GNG7: variants seen among roughly 807,000 people sequenced by gnomAD.
GNG7 encodes guanine nucleotide-binding protein G(I)/G(S)/G(O) subunit gamma-7.
GNG7 carries 1 observed loss-of-function variant against 4.0 expected under a neutral mutation model. That is an observed-to-expected ratio of 0.25 (90% CI 0.09 to 1.18). GNG7 has a LOEUF of 1.18. GNG7 is among the 50% of genes most tolerant of loss of function. The pLI, the probability that GNG7 is intolerant of heterozygous loss-of-function variation, is 0.50. For synonymous variants in GNG7, 34 were observed against 36.9 expected (o/e 0.92, Z 0.29); for missense variants, 86 against 91.9 (o/e 0.94, Z 0.26).
chr19:2,640,165 GAGAT>G (rs201323367), intron 2 of GNG7, among the ~76,000 whole-genome samples: 1,604 of 139,584 alleles, frequency 0.011, 45 homozygotes, highest in African/African-American at 0.042. Flanking sequence ...CAGAGGGAGG[GAGAT>G]AGAGATAGGA....
At chr19:2,651,282 CTCCATCCCTCCCTCCCTACCTTCCCTCCA>C (rs1982811577) in intron 1 of GNG7, among the ~76,000 whole-genome samples, 10 of 98,496 alleles carry the variant, frequency 1.0e-4, no homozygotes, top group African/African-American at 2.0e-4. Context: ...CCCTCCCTCC[CTCCATCCCTCCCTCCCTACCTTCCCTCCA>C]TCCCTCCCTC....
intron 2 of GNG7, among the ~76,000 whole-genome samples, chr19:2,638,875 T>A (rs1368666564): frequency 6.6e-6 from 1 of 152,146 alleles, no homozygotes; most frequent in Non-Finnish European, 1.5e-5. Context: ...TACAGGTGAT[T>A]TTTTTATAAT....
rs1351750792 is a variant in GNG7 at position 2,609,593 on chromosome 19, C to T, written c.-78+36631G>A. 6.6e-6 allele frequency among the ~76,000 whole-genome samples: 1 copy of T among 152,146 alleles called. No individual in the cohort carries two copies. The highest frequency in any genetic ancestry group is 1.5e-5 in the Non-Finnish European group (1 of 68,036). Reference sequence around the variant, plus strand: ...GTGGATTGCAGTGATGTTTGCGCACCACGTCCCGAGTGCCAGAGCAGACAG... The same window carrying T: ...GTGGATTGCAGTGATGTTTGCGCACTACGTCCCGAGTGCCAGAGCAGACAG... On this transcript the variant is annotated intron_variant, in intron 2 of 4. Transcript: ENST00000382159. This position sits in a 1 kb window ranked among gnomAD's most constrained non-coding sequence, Gnocchi z 4.4.
intron 2 of GNG7, chr19:2,643,992 A>G (rs1599438495): frequency 5.4e-6 from 1 of 184,134 alleles, no homozygotes; most frequent in Non-Finnish European, 1.2e-5. Context: ...CATATATTTT[A>G]TATCTACACT....
chr19:2,585,678 A>G (rs1980649811), intron 2 of GNG7, among the ~76,000 whole-genome samples: 1 of 152,158 alleles, frequency 6.6e-6, no homozygotes, highest in Admixed American at 6.6e-5. Context: ...ATACCATAAA[A>G]TTCACCCTCA....
chr19:2,587,178 G>A lies in GNG7; in HGVS notation c.-77-31990C>T, dbSNP rs551879832. Among the ~76,000 whole-genome samples the A allele has an allele frequency of 6.1e-4, 92 of 151,960 alleles. 2 individuals carry two copies. Among genetic ancestry groups the A allele is most frequent in the African/African-American group, 2.1e-3 (88 of 41,422 alleles). On this transcript the variant is annotated intron_variant, in intron 2 of 4. Coordinates refer to ENST00000382159, the MANE Select transcript of GNG7 (RefSeq NM_052847.3). ...TGGAGGTTTCACCACGGAGAGTTGC[G>A]GCGGCAAGAAGACACCAGGAGGAAG...
chr19:2,619,096 C>T lies in GNG7; in HGVS notation c.-78+27128G>A, dbSNP rs967830307. On this transcript the variant is annotated intron_variant, in intron 2 of 4. Coordinates refer to ENST00000382159, the MANE Select transcript of GNG7 (RefSeq NM_052847.3). ...TTGCTATTTTAAAATGAATGAATAC[C>T]TATTTGATTGACATTTTCTCAGTTT... Among the ~76,000 whole-genome samples, 5 of 152,282 alleles carry T rather than the reference C, an allele frequency of 3.3e-5. No individual in the cohort carries two copies. In the South Asian group the frequency reaches 1.0e-3, roughly 32 times the overall value.
chr19:2,641,172 G>A (rs1982495916), intron 2 of GNG7, among the ~76,000 whole-genome samples: 1 of 152,094 alleles, frequency 6.6e-6, no homozygotes, highest in African/African-American at 2.4e-5. Flanking sequence ...AGATCCCCAC[G>A]GGGAGCCTCT....
At chr19:2,585,072 G>T (rs1980629629) in intron 2 of GNG7, among the ~76,000 whole-genome samples, 1 of 141,074 alleles carries the variant, frequency 7.1e-6, no homozygotes, top group African/African-American at 2.7e-5. Flanking sequence ...AGGAGGGAGG[G>T]AGGGATGGAG....
intron 3 of GNG7, among the ~76,000 whole-genome samples, chr19:2,534,526 A>G (rs1978679877): frequency 6.6e-6 from 1 of 152,212 alleles, no homozygotes; most frequent in South Asian, 2.1e-4. Context: ...TGGCTCCAGG[A>G]TCATCTCCTT....
intron 1 of GNG7, among the ~76,000 whole-genome samples, chr19:2,682,201 G>A (rs145952902): frequency 4.3e-4 from 66 of 152,008 alleles, no homozygotes; most frequent in African/African-American, 1.5e-3. Context: ...GAGCCACCGC[G>A]CCCGGCCTGA....
At chr19:2,561,873 C>T (rs770315409) in intron 2 of GNG7, among the ~76,000 whole-genome samples, 1 of 151,986 alleles carries the variant, frequency 6.6e-6, no homozygotes, top group African/African-American at 2.4e-5. Flanking sequence ...AAGAGCAAAA[C>T]TCTGTCTAAA....
chr19:2,542,397 C>T (rs1372121608), intron 3 of GNG7, among the ~76,000 whole-genome samples: 4 of 151,886 alleles, frequency 2.6e-5, no homozygotes, highest in African/African-American at 9.7e-5. Context: ...ATTACAGGTG[C>T]GAGTCACCGC....
chr19:2,520,387 C>T lies in GNG7; in HGVS notation c.81+221G>A, dbSNP rs539990765. The stretch of plus-strand genomic sequence containing the variant: ...GGGGCCCCAGTGTGTTTACAAAGCA[C>T]GTTACATTGCTGCACGAAGGCAGGA... On this transcript the variant is annotated intron_variant, in intron 4 of 4. Transcript: ENST00000382159. 1.1e-4 allele frequency among the ~76,000 whole-genome samples: 16 copies of T among 152,294 alleles called. 1 individual carries two copies. In the South Asian group the frequency reaches 2.3e-3, roughly 22 times the overall value.
chr19:2,534,722 T>C (rs183997912), intron 3 of GNG7, among the ~76,000 whole-genome samples: 1 of 152,278 alleles, frequency 6.6e-6, no homozygotes. Flanking sequence ...AGATGTACAA[T>C]TGGCAAGCTA....
intron 3 of GNG7, chr19:2,538,085 C>CAA (rs1156731660): frequency 2.2e-6 from 1 of 453,024 alleles, no homozygotes; most frequent in Non-Finnish European, 4.4e-6. Context: ...TCAAACAAAA[C>CAA]AAAACAAAAC....
chr19:2,619,727 G>T (rs1312337247), intron 2 of GNG7, among the ~76,000 whole-genome samples: 1 of 152,144 alleles, frequency 6.6e-6, no homozygotes, highest in African/African-American at 2.4e-5. Context: ...CCCATCCATG[G>T]GGACAGGGAG....
intron 2 of GNG7, among the ~76,000 whole-genome samples, chr19:2,593,956 A>T (rs999763976): frequency 6.7e-6 from 1 of 148,990 alleles, no homozygotes; most frequent in Admixed American, 6.7e-5. Context: ...TTCTTACCTC[A>T]TTCACCCCAA....
intron 3 of GNG7, among the ~76,000 whole-genome samples, chr19:2,543,284 A>C (rs1410265457): frequency 1.3e-5 from 2 of 150,154 alleles, no homozygotes; most frequent in Non-Finnish European, 3.0e-5. Context: ...GCAGTGGTGC[A>C]ATCACAGCTC....
Sources: allele counts gnomAD v4.1 joint callset (sites outside exome capture counted in the v4.1 genomes callset), GRCh38; gene constraint gnomAD v4.1.1; non-coding constraint Gnocchi (gnomAD v3.1); transcripts MANE v1.5; gene names NCBI Gene and HGNC (gene_info 2026-07-23, HGNC 2026-07-21).